PHOX2A: variants seen among roughly 807,000 people sequenced by gnomAD.
PHOX2A encodes the protein paired like homeobox 2A.
Under a neutral mutation model 16.4 loss-of-function variants are expected in PHOX2A, and 10 were observed. That is an observed-to-expected ratio of 0.61 (90% CI 0.38 to 1.04). The LOEUF (loss-of-function observed/expected upper bound fraction) is 1.04. PHOX2A is among the 50% of genes least tolerant of loss of function. The pLI is 0.01. For missense variants in PHOX2A, 361 were observed against 419.4 expected (o/e 0.86, Z 1.22); for synonymous variants, 219 against 203.8 (o/e 1.07, Z -0.64).
Position 72,239,514 on chromosome 11 carries a change from T to C in PHOX2A, c.*235A>G. The stretch of plus-strand genomic sequence containing the variant: ...CAAGCTAGAAGGAGCTCCGGGGTTC[T>C]CCTGGAGGAGGTCCCGGTATAAAGA... On this transcript the variant is annotated 3_prime_UTR_variant, in exon 3 of 3. Coordinates refer to ENST00000298231, the MANE Select transcript of PHOX2A (RefSeq NM_005169.4). 2.6e-6 allele frequency: 1 copy of C among 387,436 alleles called. No homozygotes were observed. 24.0% of individuals were successfully genotyped at this position (387,436 alleles called of 1,614,324 possible).
Position 72,239,896 on chromosome 11 carries a change from C to T in PHOX2A, c.708G>A (p.Ala236=). The T allele has an allele frequency of 7.4e-7, 1 of 1,353,542 alleles. No individual in the cohort carries two copies. 83.8% of individuals were successfully genotyped at this position (1,353,542 alleles called of 1,614,324 possible). Residue 236 remains alanine (A), a synonymous_variant, in exon 3 of 3, where the codon GCG becomes GCA. Coordinates refer to ENST00000298231, the MANE Select transcript of PHOX2A (RefSeq NM_005169.4). The stretch of plus-strand genomic sequence containing the variant: ...CGCCAGGCCCGCCGCCCCCACCGCC[C>T]GCCACACCGGCCCACAGTGCGCCCT... ...PLKGALWAGV[A]GGGGGGPGAG... is the part of the protein sequence containing the mutation.
At position 72,243,773 on chromosome 11, in the gene PHOX2A, CGGG is replaced by C; in HGVS notation, c.217+12_217+14del. 8.2e-7 allele frequency: 1 copy of C among 1,216,274 alleles called. No homozygotes were observed. Among genetic ancestry groups the C allele is most frequent in the Non-Finnish European group, 1.0e-6 (1 of 971,222 alleles). 75.3% of individuals were successfully genotyped at this position (1,216,274 alleles called of 1,614,324 possible). On this transcript the variant is annotated intron_variant, in intron 1 of 2. Transcript: ENST00000298231. ...GCAGGAATTGGAGGGAGGGTTGGGC[CGGG>C]GCTGCGCTCACCTGCCGAGTAGGGC...
intron 1 of PHOX2A, among the ~76,000 whole-genome samples, chr11:72,242,975 CCA>C (rs1302120721): frequency 6.6e-6 from 1 of 152,082 alleles, no homozygotes; most frequent in Non-Finnish European, 1.5e-5. Context: ...CCCTTAGGCC[CCA>C]GTCTTCTACT....
At chr11:72,243,718 A>T in intron 1 of PHOX2A, 70 bp downstream of exon 1, 3 of 938,898 alleles carry the variant, frequency 3.2e-6, no homozygotes, top group Non-Finnish European at 4.2e-6. Flanking sequence ...GGACAGTCGC[A>T]TTCACTTGGC....
intron 2 of PHOX2A, 69 bp downstream of exon 2, chr11:72,241,033 G>A (rs148949510): frequency 3.3e-6 from 5 of 1,508,584 alleles, no homozygotes; most frequent in Admixed American, 1.7e-5. Flanking sequence ...CCTACCCCCA[G>A]GTGTTAGACA....
intron 1 of PHOX2A, 129 bp from the exon 2 acceptor site, chr11:72,241,418 C>T: frequency 1.6e-6 from 1 of 641,994 alleles, no homozygotes; most frequent in East Asian, 2.7e-5. Flanking sequence ...GATCCCTCGT[C>T]TTGGTCCCGG....
At position 72,240,135 on chromosome 11, in the gene PHOX2A, C is replaced by T; in HGVS notation, c.469G>A (p.Ala157Thr). The change falls in exon 3 of 3, where the codon GCG becomes ACG. Residue 157 changes from alanine to threonine, a missense_variant. Coordinates refer to ENST00000298231, the MANE Select transcript of PHOX2A (RefSeq NM_005169.4). ...TTTTTGGCGCCCGCCGCGCCCGCCG[C>T]GCCCTTGGCGCTGGCCGCGCGCTCC... is the stretch of plus-strand genomic sequence containing the variant. Reference protein sequence around the residue: ...KQERAASAKGAAGAAGAKKGE... With the variant: ...KQERAASAKGTAGAAGAKKGE... 1 of 1,533,592 alleles carries T rather than the reference C, an allele frequency of 6.5e-7. No individual in the cohort carries two copies. Among genetic ancestry groups the T allele is most frequent in the Non-Finnish European group, 8.7e-7 (1 of 1,144,764 alleles). The allele number at this position is 1,533,592 out of a possible 1,614,324, so 95.0% of individuals were successfully genotyped here. A position where few individuals can be genotyped will look rare whatever the true frequency, so the allele number is the denominator to read the frequency against.
intron 1 of PHOX2A, among the ~76,000 whole-genome samples, chr11:72,242,905 G>T (rs1045031240): frequency 6.6e-6 from 1 of 151,720 alleles, no homozygotes; most frequent in African/African-American, 2.4e-5. Flanking sequence ...GACCTCAAGT[G>T]ATCCACCCGC....
At position 72,243,831 on chromosome 11, in the gene PHOX2A, T is replaced by G. The variant is rs762486727; in HGVS notation, c.174A>C (p.Ala58=). The stretch of plus-strand genomic sequence containing the variant: ...GCTGGTGGTCGCGTAGGGCGCCAAG[T>G]GCGCAGTTGGAGGAGCCGAGCGCGG... ...PCPALGSSNC[A]LGALRDHQPA... The change falls in exon 1 of 3, where the codon GCA becomes GCC. Residue 58 remains alanine, a synonymous_variant. Transcript: ENST00000298231. 3 of 1,251,640 alleles carry G rather than the reference T, an allele frequency of 2.4e-6. No individual in the cohort carries two copies. The South Asian group carries it at 1.0e-4, about 42-fold the overall frequency. 77.5% of individuals were successfully genotyped at this position (1,251,640 alleles called of 1,614,324 possible). A position where few individuals can be genotyped will look rare whatever the true frequency, so the allele number is the denominator to read the frequency against.
At chr11:72,240,993 C>T in intron 2 of PHOX2A, 109 bp downstream of exon 2, 1 of 1,239,390 alleles carries the variant, frequency 8.1e-7, no homozygotes, top group Non-Finnish European at 1.1e-6. Context: ...GGACCGCGCC[C>T]TGCCTTCGGG....
rs1225820638 is a variant in PHOX2A, at chr11:72,241,153, G to A, written c.354C>T (p.Tyr118=). 4.3e-6 allele frequency: 7 copies of A among 1,613,938 alleles called. No individual in the cohort carries two copies. Among genetic ancestry groups the A allele is most frequent in the Non-Finnish European group, 5.9e-6 (7 of 1,180,050 alleles). Residue 118 remains tyrosine, a synonymous_variant, in exon 2 of 3, where the codon TAC becomes TAT. Transcript: ENST00000298231. ...VFAETHYPDI[Y]TREELALKID... is the part of the protein sequence containing the mutation. Reference sequence around the variant, plus strand: ...TCTTGAGCGCCAGCTCCTCACGCGTGTAAATGTCGGGGTAGTGGGTCTCAG... The same window carrying A: ...TCTTGAGCGCCAGCTCCTCACGCGTATAAATGTCGGGGTAGTGGGTCTCAG...
At chr11:72,242,985 A>G (rs1949134139) in intron 1 of PHOX2A, among the ~76,000 whole-genome samples, 1 of 152,100 alleles carries the variant, frequency 6.6e-6, no homozygotes, top group South Asian at 2.1e-4. Context: ...CCAGTCTTCT[A>G]CTTGGGTCCC....
In PHOX2A at chr11:72,239,896, C is replaced by G; in HGVS notation, c.708G>C (p.Ala236=). 7.4e-7 allele frequency: 1 copy of G among 1,353,434 alleles called. No individual in the cohort carries two copies. Among genetic ancestry groups the G allele is most frequent in the East Asian group, 3.1e-5 (1 of 32,476 alleles). The allele number at this position is 1,353,434 out of a possible 1,614,324, so 83.8% of individuals were successfully genotyped here. A position where few individuals can be genotyped will look rare whatever the true frequency, so the allele number is the denominator to read the frequency against. The change falls in exon 3 of 3, where the codon GCG becomes GCC. Residue 236 remains alanine, a synonymous_variant. Transcript: ENST00000298231. ...CGCCAGGCCCGCCGCCCCCACCGCCCGCCACACCGGCCCACAGTGCGCCCT... is the reference window on the plus strand; with the variant it reads ...CGCCAGGCCCGCCGCCCCCACCGCCGGCCACACCGGCCCACAGTGCGCCCT... ...PLKGALWAGV[A]GGGGGGPGAG...
chr11:72,241,081 C>T, intron 2 of PHOX2A, 21 bp downstream of exon 2: 5 of 1,611,080 alleles, frequency 3.1e-6, no homozygotes, highest in Non-Finnish European at 4.2e-6. Flanking sequence ...CACTCTCGTA[C>T]ACACACGTGC....
rs967197977 is a variant in PHOX2A at position 72,239,133 on chromosome 11, T to G, written c.*616A>C. ...GAGTAAAACTTCAATAAATTACAAG[T>G]TTTTCAAAGAAAAAGGACAACCAAA... On this transcript the variant is annotated 3_prime_UTR_variant, in exon 3 of 3. Transcript: ENST00000298231. The G allele has an allele frequency of 6.6e-6, 1 of 152,052 alleles. No individual in the cohort carries two copies. Among genetic ancestry groups the G allele is most frequent in the Non-Finnish European group, 1.5e-5 (1 of 68,014 alleles). 9.4% of individuals were successfully genotyped at this position (152,052 alleles called of 1,614,324 possible).
chr11:72,243,664 G>A (rs1376265423), intron 1 of PHOX2A, 124 bp downstream of exon 1: 7 of 449,804 alleles, frequency 1.6e-5, no homozygotes, highest in Non-Finnish European at 2.6e-5. Flanking sequence ...GTCTCTCGGG[G>A]CATTGGAGGG....
At chr11:72,242,668 T>TTG (rs1949131381) in intron 1 of PHOX2A, among the ~76,000 whole-genome samples, 5 of 152,030 alleles carry the variant, frequency 3.3e-5, no homozygotes, top group Non-Finnish European at 7.4e-5. Context: ...CTTCTTCTTT[T>TTG]TTTTTTGAGA....
In PHOX2A at chr11:72,241,136, G is replaced by C; in HGVS notation, c.371C>G (p.Ala124Gly). 1 of 1,614,044 alleles carries C rather than the reference G, an allele frequency of 6.2e-7. No individual in the cohort carries two copies. The highest frequency in any genetic ancestry group is 8.5e-7 in the Non-Finnish European group (1 of 1,180,036). The change falls in exon 2 of 3, where the codon GCG (alanine) becomes GGG (glycine). Residue 124 changes from alanine to glycine, a missense_variant. Ala to Gly is a moderately conservative substitution (Grantham distance 60, BLOSUM62 0). This residue lies in a region of PHOX2A where 235 missense variants were observed against 263.8 expected (regional missense o/e 0.89). Coordinates refer to ENST00000298231, the MANE Select transcript of PHOX2A (RefSeq NM_005169.4). ...YPDIYTREEL[A>G]LKIDLTEARV... ...AGCCTCAGTGAGGTCGATCTTGAGC[G>C]CCAGCTCCTCACGCGTGTAAATGTC...
At chr11:72,240,264 G>T (rs373162994) in intron 2 of PHOX2A, 66 bp from the exon 3 acceptor site, 2 of 1,517,438 alleles carry the variant, frequency 1.3e-6, no homozygotes, top group Non-Finnish European at 8.8e-7. Context: ...GCCCGCGGCC[G>T]CAAGGCTCGA....
Sources: allele counts gnomAD v4.1 joint callset (sites outside exome capture counted in the v4.1 genomes callset), GRCh38; gene constraint gnomAD v4.1.1; regional missense constraint gnomAD v4.1.1; transcripts MANE v1.5; gene names NCBI Gene and HGNC (gene_info 2026-07-23, HGNC 2026-07-21).